Variants in LPP observed in about 807,000 individuals in gnomAD.
The protein encoded by LPP is LIM domain containing preferred translocation partner in lipoma.
LPP carries 38 observed loss-of-function variants against 60.4 expected under a neutral mutation model. The ratio of observed to expected loss-of-function variants is 0.63; its 90% CI spans 0.49 to 0.83. The LOEUF is 0.83. Ranked by LOEUF, LPP falls within the 40% of genes least tolerant of loss-of-function variation. The pLI is 0.00. For synonymous variants in LPP, 328 were observed against 290.8 expected (o/e 1.13, Z -1.30); for missense variants, 902 against 783.6 (o/e 1.15, Z -1.80).
intron 6 of LPP, among the ~76,000 whole-genome samples, chr3:188,607,026 A>G (rs995051285): frequency 6.6e-6 from 1 of 151,932 alleles, no homozygotes; most frequent in Non-Finnish European, 1.5e-5. Flanking sequence ...AAAACCAATA[A>G]CATTCATTAA....
chr3:188,306,529 C>T (rs560133673), intron 2 of LPP, among the ~76,000 whole-genome samples: 1 of 152,260 alleles, frequency 6.6e-6, no homozygotes, highest in African/African-American at 2.4e-5. Context: ...AACACAAAGC[C>T]CTTTATCTAG....
At chr3:188,463,519 G>A (rs1481991328) in intron 4 of LPP, among the ~76,000 whole-genome samples, 2 of 152,058 alleles carry the variant, frequency 1.3e-5, no homozygotes, top group African/African-American at 2.4e-5. Flanking sequence ...CTTCATTAAT[G>A]TCGTCTTATT....
At chr3:188,772,599 A>G (rs1736423886) in intron 9 of LPP, among the ~76,000 whole-genome samples, 1 of 151,938 alleles carries the variant, frequency 6.6e-6, no homozygotes, top group Non-Finnish European at 1.5e-5. Flanking sequence ...GGTTCGCGCC[A>G]TTCTCCTGCC....
chr3:188,841,703 A>G (rs887586705), intron 9 of LPP, among the ~76,000 whole-genome samples: 1 of 152,154 alleles, frequency 6.6e-6, no homozygotes, highest in Non-Finnish European at 1.5e-5. Context: ...CTTGAAACAG[A>G]TGACTTAAAA....
At chr3:188,822,429 G>C (rs370333432) in intron 9 of LPP, among the ~76,000 whole-genome samples, 17 of 152,094 alleles carry the variant, frequency 1.1e-4, no homozygotes, top group East Asian at 5.8e-4. Flanking sequence ...TGAAATTCCA[G>C]TGTGATTTGG....
At chr3:188,799,318 T>C (rs11927704) in intron 9 of LPP, among the ~76,000 whole-genome samples, 42,193 of 152,194 alleles carry the variant, frequency 0.28, 6,419 homozygotes, top group Non-Finnish European at 0.34. Flanking sequence ...CTGTTTAACC[T>C]TTACATTCGC....
At chr3:188,593,957 C>G (rs1839481844) in intron 6 of LPP, among the ~76,000 whole-genome samples, 1 of 152,090 alleles carries the variant, frequency 6.6e-6, no homozygotes, top group Non-Finnish European at 1.5e-5. Flanking sequence ...TGGGTAGATA[C>G]CCAGTAGTGG....
At chr3:188,518,774 A>G (rs1021135862) in intron 5 of LPP, among the ~76,000 whole-genome samples, 3 of 152,296 alleles carry the variant, frequency 2.0e-5, no homozygotes, top group South Asian at 4.1e-4. Context: ...GTATATAAAC[A>G]TCCAAGGGTG....
Position 188,766,378 on chromosome 3 carries a change from C to CAAAAAAAAAAAAAA in LPP, c.1410+6106_1410+6107insAAAAAAAAAAAAAA, listed in dbSNP as rs142374028. 8.0e-5 allele frequency among the ~76,000 whole-genome samples: 10 copies of CAAAAAAAAAAAAAA among 124,656 alleles called. 1 individual carries two copies. The highest frequency in any genetic ancestry group is 3.6e-4 in the South Asian group (1 of 2,760). The allele number at this position is 124,656 out of a possible 152,430, so 81.8% of individuals were successfully genotyped here. A position where few individuals can be genotyped will look rare whatever the true frequency, so the allele number is the denominator to read the frequency against. ...CTTGAGCATTTGAGGCCTTAAAAAG[C>CAAAAAAAAAAAAAA]AAAAAAAAAAGGTTAAAAATATTTA... On this transcript the variant is annotated intron_variant, in intron 9 of 11. Coordinates refer to ENST00000617246, the MANE Select transcript of LPP (RefSeq NM_001375462.1).
At chr3:188,857,866 A>G (rs1386441607) in intron 9 of LPP, among the ~76,000 whole-genome samples, 1 of 152,230 alleles carries the variant, frequency 6.6e-6, no homozygotes, top group African/African-American at 2.4e-5. Context: ...TGGTAGTTAC[A>G]TTAAATGATC....
chr3:188,381,078 G>A (rs1776754255), intron 3 of LPP, among the ~76,000 whole-genome samples: 1 of 152,194 alleles, frequency 6.6e-6, no homozygotes, highest in African/African-American at 2.4e-5. Context: ...AGGCTCTGGA[G>A]TTGATGGAGT....
chr3:188,171,560 T>A (rs1403111174), intron 1 of LPP, among the ~76,000 whole-genome samples: 1 of 152,202 alleles, frequency 6.6e-6, no homozygotes, highest in African/African-American at 2.4e-5. Flanking sequence ...CGGGTGGTGG[T>A]CCTGGCCAGC....
chr3:188,676,576 G>A (rs186430140), intron 7 of LPP, among the ~76,000 whole-genome samples: 4 of 152,218 alleles, frequency 2.6e-5, no homozygotes, highest in Admixed American at 1.3e-4. Flanking sequence ...TCTGCATTAC[G>A]TTTTAAACAA....
rs991965874 is a variant in LPP, at chr3:188,616,586, T to C, written c.1113+6742T>C. Among the ~76,000 whole-genome samples the C allele has an allele frequency of 4.1e-4, 5 of 12,226 alleles. No homozygotes were observed. The Admixed American group carries it at 9.7e-3, about 24-fold the overall frequency. 8.0% of individuals were successfully genotyped at this position (12,226 alleles called of 152,430 possible). ...CTGTACAGGCTCTTTTTCATTTCTA[T>C]GGGTTTTTTTTCATTTCCGTATACG... On this transcript the variant is annotated intron_variant, in intron 7 of 11. Coordinates refer to ENST00000617246, the MANE Select transcript of LPP (RefSeq NM_001375462.1).
At chr3:188,447,750 T>C (rs1194532233) in intron 4 of LPP, among the ~76,000 whole-genome samples, 1 of 151,764 alleles carries the variant, frequency 6.6e-6, no homozygotes, top group Non-Finnish European at 1.5e-5. Flanking sequence ...CACTCCAGCC[T>C]GGGCGACACA....
In LPP at chr3:188,277,413, C is replaced by G. The variant is rs147745044; in HGVS notation, c.-67+51886C>G. Reference sequence around the variant, plus strand: ...CTCTCAGGAAATATTCCTTGATTCTCTCTTCTCTATTAGTTTTTTAAATGC... The same window carrying G: ...CTCTCAGGAAATATTCCTTGATTCTGTCTTCTCTATTAGTTTTTTAAATGC... On this transcript the variant is annotated intron_variant, in intron 2 of 11. Transcript: ENST00000617246. 5.1e-3 allele frequency among the ~76,000 whole-genome samples: 778 copies of G among 152,238 alleles called. 13 individuals carry two copies. The highest frequency in any genetic ancestry group is 0.017 in the African/African-American group (703 of 41,528).
chr3:188,510,810 C>A (rs1046641811), intron 5 of LPP, among the ~76,000 whole-genome samples: 2 of 152,182 alleles, frequency 1.3e-5, no homozygotes, highest in African/African-American at 4.8e-5. Flanking sequence ...AATACTTGTT[C>A]TCCATTTAAG....
chr3:188,273,872 A>G (rs6765446), intron 2 of LPP, among the ~76,000 whole-genome samples: 69,471 of 151,392 alleles, frequency 0.46, 16,183 homozygotes, highest in Middle Eastern at 0.61. Context: ...CTGGATTACA[A>G]GTGTGAGCCA....
At chr3:188,210,395 G>A (rs891189951) in intron 1 of LPP, among the ~76,000 whole-genome samples, 1 of 152,136 alleles carries the variant, frequency 6.6e-6, no homozygotes, top group Non-Finnish European at 1.5e-5. Context: ...ATGGAAGGCC[G>A]GGGAGGAACC....
Sources: allele counts gnomAD v4.1 joint callset (sites outside exome capture counted in the v4.1 genomes callset), GRCh38; gene constraint gnomAD v4.1.1; transcripts MANE v1.5; gene names NCBI Gene and HGNC (gene_info 2026-07-23, HGNC 2026-07-21).